Variants in ACO1 observed in about 807,000 individuals in gnomAD.
ACO1 encodes aconitase 1.
Under a neutral mutation model 105.1 loss-of-function variants are expected in ACO1, and 78 were observed. The ratio of observed to expected loss-of-function variants is 0.74; its 90% confidence interval spans 0.62 to 0.90. The LOEUF is 0.90. Ranked by LOEUF, ACO1 falls within the 40% of genes least tolerant of loss-of-function variation. The pLI is 0.00. For missense variants in ACO1, 965 were observed against 1,111.1 expected (o/e 0.87, Z 1.87); for synonymous variants, 364 against 397.4 (o/e 0.92, Z 1.00).
Position 32,431,794 on chromosome 9 carries a change from G to A in ACO1, c.1802G>A (p.Arg601His), listed in dbSNP as rs145151491. 78 of 1,613,990 alleles carry A rather than the reference G, an allele frequency of 4.8e-5. No individual in the cohort carries two copies. Among genetic ancestry groups the A allele is most frequent in the African/African-American group, 6.7e-5 (5 of 74,890 alleles). Residue 601 changes from arginine (R) to histidine (H), a missense_variant, in exon 15 of 21, where the codon CGT becomes CAT. By Grantham distance (29) the Arg-to-His change is conservative. Coordinates refer to ENST00000309951, the MANE Select transcript of ACO1 (RefSeq NM_002197.3). Reference protein sequence around the residue: ...PTRDEIQAVERQYVIPGMFKE... With the variant: ...PTRDEIQAVEHQYVIPGMFKE... ...AGAGACGAGATCCAGGCAGTGGAGC[G>A]TCAGTATGTCATCCCGGGGATGTTT... is the stretch of plus-strand genomic sequence containing the variant.
Position 32,450,121 on chromosome 9 carries a change from A to C in ACO1, c.*10A>C, listed in dbSNP as rs773135060. On this transcript the variant is annotated 3_prime_UTR_variant, in exon 21 of 21. Transcript: ENST00000309951. ...CAAGATGGCCAAGTAGGAGACGTGC[A>C]CTTGGTGCTGCGCCCAGGGAGGAAG... 1 of 1,606,942 alleles carries C rather than the reference A, an allele frequency of 6.2e-7. No homozygotes were observed. Among genetic ancestry groups the C allele is most frequent in the Non-Finnish European group, 8.5e-7 (1 of 1,174,490 alleles).
intron 4 of ACO1, 58 bp from the exon 5 acceptor site, chr9:32,418,070 T>C (rs1821888971): frequency 1.3e-6 from 2 of 1,507,312 alleles, no homozygotes; most frequent in Non-Finnish European, 1.8e-6. Flanking sequence ...CACCAATAAA[T>C]TTGACCACTA....
chr9:32,394,884 T>C (rs1821339871), intron 1 of ACO1, among the ~76,000 whole-genome samples: 1 of 152,186 alleles, frequency 6.6e-6, no homozygotes, highest in Non-Finnish European at 1.5e-5. Flanking sequence ...GAGACCAGGT[T>C]GGTGAGGTGG....
intron 18 of ACO1, among the ~76,000 whole-genome samples, chr9:32,437,425 C>T (rs188138927): frequency 1.3e-5 from 2 of 152,296 alleles, no homozygotes; most frequent in East Asian, 1.9e-4. Context: ...TAGAAATAAC[C>T]AGTACCTAGC....
chr9:32,451,783 C>T lies in ACO1; in HGVS notation c.*1672C>T, dbSNP rs1822771977. 6.6e-6 allele frequency: 1 copy of T among 152,174 alleles called. No individual in the cohort carries two copies. The highest frequency in any genetic ancestry group is 1.5e-5 in the Non-Finnish European group (1 of 68,056). The allele number at this position is 152,174 out of a possible 1,614,324, so 9.4% of individuals were successfully genotyped here. On this transcript the variant is annotated 3_prime_UTR_variant, in exon 21 of 21. Transcript: ENST00000309951. ...TAAAAAATAAATTACAAACAAACAG[C>T]CAGGCGCAGTGGCTCATGCCTATAA...
At chr9:32,430,296 C>A in intron 13 of ACO1, 122 bp from the exon 14 acceptor site, 2 of 983,626 alleles carry the variant, frequency 2.0e-6, no homozygotes, top group Non-Finnish European at 3.0e-6. Flanking sequence ...TGGGAGAGAA[C>A]CAAGTGAAAG....
intron 11 of ACO1, among the ~76,000 whole-genome samples, chr9:32,426,433 G>C (rs1173064387): frequency 6.6e-6 from 1 of 152,166 alleles, no homozygotes; most frequent in African/African-American, 2.4e-5. Context: ...GGGGCCACTG[G>C]CCTGTTTCGC....
chr9:32,419,137 C>G lies in ACO1; in HGVS notation c.758C>G (p.Pro253Arg), dbSNP rs777994072. The G allele has an allele frequency of 2.5e-6, 4 of 1,606,316 alleles. No homozygotes were observed. Among genetic ancestry groups the G allele is most frequent in the South Asian group, 2.2e-5 (2 of 89,782 alleles). ...TACAGGCTGATGGGGAAGCCCCACC[C>G]TCTGGTAACATCCACTGACATCGTG... is the stretch of plus-strand genomic sequence containing the variant. Reference protein sequence around the residue: ...IGYRLMGKPHPLVTSTDIVLT... With the variant: ...IGYRLMGKPHRLVTSTDIVLT... Residue 253 changes from proline to arginine, a missense_variant, in exon 7 of 21, where the codon CCT (proline) becomes CGT (arginine). Coordinates refer to ENST00000309951, the MANE Select transcript of ACO1 (RefSeq NM_002197.3).
At chr9:32,445,623 C>T in intron 19 of ACO1, 1 of 276,910 alleles carries the variant, frequency 3.6e-6, no homozygotes. Flanking sequence ...TTCAGTTCTG[C>T]TTTGATCTTA....
rs1563932334 is a variant in ACO1, at chr9:32,407,436, C to T, written c.266+7C>T. 6.2e-7 allele frequency: 1 copy of T among 1,608,124 alleles called. No individual in the cohort carries two copies. The highest frequency in any genetic ancestry group is 1.3e-5 in the African/African-American group (1 of 74,902). On this transcript the variant is annotated splice_region_variant and intron_variant, in intron 3 of 20. Transcript: ENST00000309951. ...TCATCCTGCAGGACTTTACGTGAGC[C>T]TAATGTCACTTCACTCTCCTTTGCC...
At chr9:32,428,914 A>C (rs911896178) in intron 12 of ACO1, among the ~76,000 whole-genome samples, 25 of 152,274 alleles carry the variant, frequency 1.6e-4, no homozygotes, top group African/African-American at 6.0e-4. Flanking sequence ...TTGCACTGTG[A>C]CATCACGATG....
intron 4 of ACO1, 128 bp downstream of exon 4, chr9:32,408,779 C>T: frequency 9.0e-7 from 1 of 1,110,734 alleles, no homozygotes; most frequent in Non-Finnish European, 1.2e-6. Flanking sequence ...AAAACTTAAA[C>T]TTCATATACA....
At chr9:32,390,288 C>G (rs1284536087) in intron 1 of ACO1, among the ~76,000 whole-genome samples, 1 of 152,174 alleles carries the variant, frequency 6.6e-6, no homozygotes, top group Non-Finnish European at 1.5e-5. Context: ...GCTGAGGAGC[C>G]CCTGAACACT....
intron 1 of ACO1, among the ~76,000 whole-genome samples, chr9:32,393,057 A>T (rs1288613187): frequency 6.6e-6 from 1 of 152,194 alleles, no homozygotes; most frequent in Non-Finnish European, 1.5e-5. Flanking sequence ...TTTGTAGAGC[A>T]TGTGTGTTTG....
Position 32,419,081 on chromosome 9 carries a change from A to G in ACO1, c.702A>G (p.Pro234=). ...IEAEAVMLGQ[P]ISMVLPQVIG... ...CAGAAGCTGTCATGCTGGGTCAGCC[A>G]ATCAGTATGGTGCTTCCTCAGGTGA... is the stretch of plus-strand genomic sequence containing the variant. Residue 234 remains proline, a synonymous_variant, in exon 7 of 21, where the codon CCA becomes CCG. Transcript: ENST00000309951. 1 of 1,608,714 alleles carries G rather than the reference A, an allele frequency of 6.2e-7. No homozygotes were observed. The highest frequency in any genetic ancestry group is 8.5e-7 in the Non-Finnish European group (1 of 1,177,330).
rs1186833323 is a variant in ACO1 at position 32,419,175 on chromosome 9, A to G, written c.796A>G (p.Lys266Glu). Residue 266 changes from lysine to glutamate, a missense_variant and splice_region_variant, in exon 7 of 21, where the codon AAG becomes GAG. Coordinates refer to ENST00000309951, the MANE Select transcript of ACO1 (RefSeq NM_002197.3). ...CACTGACATCGTGCTCACCATTACC[A>G]AGGTAACAATGTGCATCCTCTTCTG... ...TSTDIVLTIT[K>E]HLRQVGVVGK... The G allele has an allele frequency of 6.3e-7, 1 of 1,581,460 alleles. No individual in the cohort carries two copies. The highest frequency in any genetic ancestry group is 1.4e-5 in the African/African-American group (1 of 73,642).
At chr9:32,444,167 T>TGCATA (rs1376218710) in intron 19 of ACO1, among the ~76,000 whole-genome samples, 7 of 152,244 alleles carry the variant, frequency 4.6e-5, no homozygotes, top group Non-Finnish European at 1.0e-4. Flanking sequence ...TTTTTATGGC[T>TGCATA]GCATAGTATT....
Position 32,439,135 on chromosome 9 carries a change from T to A in ACO1, c.2248-1330T>A, listed in dbSNP as rs1446512862. Among the ~76,000 whole-genome samples the A allele has an allele frequency of 6.6e-6, 1 of 152,204 alleles. No homozygotes were observed. Among genetic ancestry groups the A allele is most frequent in the Non-Finnish European group, 1.5e-5 (1 of 68,030 alleles). On this transcript the variant is annotated intron_variant, in intron 18 of 20. Transcript: ENST00000309951. The surrounding 1 kb of genome is among the most constrained non-coding windows in gnomAD (Gnocchi z 4.0). ...TGATCTTGGGTAACATGACGTGCTT[T>A]GCCATGAGATTGTCAACTTTGCAGT...
Position 32,451,535 on chromosome 9 carries a change from G to C in ACO1, c.*1424G>C, listed in dbSNP as rs1318350554. 6.6e-6 allele frequency: 1 copy of C among 152,220 alleles called. No homozygotes were observed. The highest frequency in any genetic ancestry group is 1.5e-5 in the Non-Finnish European group (1 of 68,076). The allele number at this position is 152,220 out of a possible 1,614,324, so 9.4% of individuals were successfully genotyped here. On this transcript the variant is annotated 3_prime_UTR_variant, in exon 21 of 21. Transcript: ENST00000309951. ...GGGGAATGCTGGTATAAGTCCCAGA[G>C]TCTGAATGCCCAGGAACAAGCAGGA...
Sources: gnomAD v4.1 joint callset for allele counts (sites outside exome capture counted in the v4.1 genomes callset) on GRCh38, gnomAD v4.1.1 for gene constraint, Gnocchi (gnomAD v3.1) non-coding constraint, MANE v1.5 for transcripts, NCBI Gene and HGNC (gene_info 2026-07-23, HGNC 2026-07-21) for gene names.